Variants in LGR5 observed in about 807,000 individuals in gnomAD.
The protein encoded by LGR5 is leucine-rich repeat-containing G protein-coupled receptor 5.
In LGR5, 54 loss-of-function variants were observed where a neutral mutation model predicts 76.7. The ratio of observed to expected loss-of-function variants is 0.70; its 90% CI spans 0.57 to 0.88. The LOEUF is 0.88. LGR5 is among the 40% of genes least tolerant of loss of function. LGR5 has a pLI of 0.00. For synonymous variants in LGR5, 406 were observed against 421.9 expected, an observed-to-expected ratio of 0.96 and a Z score of 0.46; for missense variants, 1,078 against 1,073.3, an observed-to-expected ratio of 1.00 and a Z score of -0.06.
At chr12:71,476,037 C>A (rs2071429886) in intron 1 of LGR5, among the ~76,000 whole-genome samples, 1 of 152,082 alleles carries the variant, frequency 6.6e-6, no homozygotes, top group Admixed American at 6.6e-5. Context: ...AGGTTGTCCT[C>A]TTTGAGCAGA....
intron 1 of LGR5, among the ~76,000 whole-genome samples, chr12:71,485,407 A>T (rs1212281373): frequency 1.3e-5 from 2 of 152,194 alleles, no homozygotes; most frequent in African/African-American, 4.8e-5. Context: ...AATTTAAAAA[A>T]ATGAGGAAAT....
At chr12:71,508,692 T>G (rs1874988999) in intron 2 of LGR5, among the ~76,000 whole-genome samples, 1 of 138,118 alleles carries the variant, frequency 7.2e-6, no homozygotes, top group Non-Finnish European at 1.5e-5. Flanking sequence ...AGACAGAGAT[T>G]GCAGCGAGCC....
intron 4 of LGR5, among the ~76,000 whole-genome samples, chr12:71,540,841 A>G (rs751343088): frequency 6.6e-6 from 1 of 152,164 alleles, no homozygotes; most frequent in Non-Finnish European, 1.5e-5. Context: ...TAGCCAAAAG[A>G]ATAAGATTAA....
At chr12:71,439,566 C>T (rs1040032101), upstream of LGR5, among the ~76,000 whole-genome samples, 1 of 151,788 alleles carries the variant, frequency 6.6e-6, no homozygotes, top group Non-Finnish European at 1.5e-5. Context: ...CGGCGTTGAG[C>T]ACTGAATCTT....
chr12:71,499,031 G>A (rs1874470028), intron 1 of LGR5, among the ~76,000 whole-genome samples: 1 of 152,200 alleles, frequency 6.6e-6, no homozygotes, highest in African/African-American at 2.4e-5. Flanking sequence ...TATAGTCACC[G>A]ATCTGCACAT....
At chr12:71,526,799 C>T (rs966309574) in intron 3 of LGR5, among the ~76,000 whole-genome samples, 3 of 152,100 alleles carry the variant, frequency 2.0e-5, no homozygotes, top group Non-Finnish European at 2.9e-5. Flanking sequence ...AGGAGAGAGG[C>T]TTTCCCAGAG....
intron 1 of LGR5, among the ~76,000 whole-genome samples, chr12:71,483,212 T>G (rs1592478778): frequency 6.6e-6 from 1 of 152,154 alleles, no homozygotes; most frequent in Non-Finnish European, 1.5e-5. Flanking sequence ...CCACTGCTAT[T>G]GCGTGTCTAC....
Position 71,580,294 on chromosome 12 carries a change from T to C in LGR5, c.1423T>C (p.Tyr475His), listed in dbSNP as rs1243446582. The C allele has an allele frequency of 3.1e-6, 5 of 1,612,414 alleles. No individual in the cohort carries two copies. In the Admixed American group the frequency reaches 8.4e-5, roughly 27 times the overall value. Reference sequence around the variant, plus strand: ...CATTTAAAGGGTTATAGAAATGCCTTATGCTTACCAGTGCTGTGCATTTGG... The same window carrying C: ...CATTTAAAGGGTTATAGAAATGCCTCATGCTTACCAGTGCTGTGCATTTGG... ...FPELKVIEMP[Y>H]AYQCCAFGVC... is the part of the protein sequence containing the mutation. Residue 475 changes from tyrosine (Y) to histidine (H), a missense_variant, in exon 16 of 18, where the codon TAT becomes CAT. By Grantham distance (83) the Tyr-to-His change is moderately conservative (BLOSUM62 2). Transcript: ENST00000266674.
Position 71,508,488 on chromosome 12 carries a change from G to C in LGR5, c.284+3803G>C, listed in dbSNP as rs184791904. 3.6e-4 allele frequency among the ~76,000 whole-genome samples: 55 copies of C among 152,174 alleles called. No individual in the cohort carries two copies. In the East Asian group the frequency reaches 0.011, roughly 29 times the overall value. ...GCAAGTAACTCAGCCGGGCACAGGG[G>C]CTCACACCTGTAATCCCAGCACTTT... On this transcript the variant is annotated intron_variant, in intron 2 of 17. Coordinates refer to ENST00000266674, the MANE Select transcript of LGR5 (RefSeq NM_003667.4).
chr12:71,481,322 C>G (rs1873591696), intron 1 of LGR5, among the ~76,000 whole-genome samples: 1 of 152,138 alleles, frequency 6.6e-6, no homozygotes, highest in Non-Finnish European at 1.5e-5. Flanking sequence ...GTTCAATTCC[C>G]ACTTATGAGT....
At chr12:71,469,118 A>G (rs1367024288) in intron 1 of LGR5, among the ~76,000 whole-genome samples, 1 of 152,182 alleles carries the variant, frequency 6.6e-6, no homozygotes, top group Admixed American at 6.5e-5. Context: ...GACTATGGGC[A>G]CCATTTTCCT....
rs923184826 is a variant in LGR5, at chr12:71,494,148, G to A, written c.213-10466G>A. Among the ~76,000 whole-genome samples, 8 of 150,534 alleles carry A rather than the reference G, an allele frequency of 5.3e-5. 1 individual carries two copies. The highest frequency in any genetic ancestry group is 4.2e-4 in the South Asian group (2 of 4,816). On this transcript the variant is annotated intron_variant, in intron 1 of 17. Transcript: ENST00000266674. ...TTTTTAGTAGAGACAGGGTTTCACC[G>A]TGTTAGCCAGGATGGTCTTGATCTC...
At chr12:71,551,889 C>G (rs12306919) in intron 4 of LGR5, among the ~76,000 whole-genome samples, 3 of 152,166 alleles carry the variant, frequency 2.0e-5, no homozygotes, top group Non-Finnish European at 4.4e-5. Flanking sequence ...AAACAAACAT[C>G]TGCTTCATAC....
chr12:71,470,074 T>C (rs1429523743), intron 1 of LGR5, among the ~76,000 whole-genome samples: 4 of 152,158 alleles, frequency 2.6e-5, no homozygotes, highest in Non-Finnish European at 5.9e-5. Context: ...CTAAAAAACC[T>C]TCAGTGCCTC....
chr12:71,505,281 A>T (rs1874797735), intron 2 of LGR5, among the ~76,000 whole-genome samples: 1 of 152,256 alleles, frequency 6.6e-6, no homozygotes, highest in Admixed American at 6.5e-5. Flanking sequence ...GGAAGCTAAA[A>T]TTAGTTAATG....
At chr12:71,490,660 C>T (rs1209667375) in intron 1 of LGR5, among the ~76,000 whole-genome samples, 1 of 152,114 alleles carries the variant, frequency 6.6e-6, no homozygotes. Flanking sequence ...TTTCAGACAA[C>T]TTGAATATGC....
intron 3 of LGR5, among the ~76,000 whole-genome samples, chr12:71,525,860 A>T (rs1875974245): frequency 6.6e-6 from 1 of 151,214 alleles, no homozygotes; most frequent in African/African-American, 2.4e-5. Context: ...TAAATCCTTG[A>T]ATTCTTAAAT....
intron 1 of LGR5, among the ~76,000 whole-genome samples, chr12:71,455,062 G>A (rs1164806424): frequency 6.6e-6 from 1 of 151,956 alleles, no homozygotes; most frequent in African/African-American, 2.4e-5. Flanking sequence ...CAACACATTA[G>A]TTCCAACTGG....
At chr12:71,581,744 T>C (rs1013840687) in intron 16 of LGR5, among the ~76,000 whole-genome samples, 1 of 152,234 alleles carries the variant, frequency 6.6e-6, no homozygotes, top group Non-Finnish European at 1.5e-5. Context: ...TGCCAGGCAC[T>C]GTTCTAGGCC....
Sources: gnomAD v4.1 joint callset for allele counts (sites outside exome capture counted in the v4.1 genomes callset) on GRCh38, gnomAD v4.1.1 for gene constraint, MANE v1.5 for transcripts, NCBI Gene and HGNC (gene_info 2026-07-23, HGNC 2026-07-21) for gene names.